UNC13C: variants seen among roughly 807,000 people sequenced by gnomAD.
UNC13C encodes the protein protein unc-13 homolog C.
A neutral mutation model predicts 245.4 loss-of-function variants in UNC13C; 174 were observed. The observed-to-expected ratio is 0.71, with a 90% CI of 0.63 to 0.80. The LOEUF (loss-of-function observed/expected upper bound fraction) is 0.80. Ranked by LOEUF, UNC13C falls within the 30% of genes least tolerant of loss-of-function variation. UNC13C has a pLI of 0.00. For synonymous variants in UNC13C, 992 were observed against 895.1 expected (o/e 1.11, Z -1.93); for missense variants, 2,829 against 2,602.9 (o/e 1.09, Z -1.89).
At chr15:54,439,376 A>G (rs1890391321) in intron 19 of UNC13C, among the ~76,000 whole-genome samples, 4 of 152,002 alleles carry the variant, frequency 2.6e-5, no homozygotes, top group Admixed American at 2.6e-4. Flanking sequence ...TTTACAGTAA[A>G]ATATATAAAA....
intron 30 of UNC13C, among the ~76,000 whole-genome samples, chr15:54,593,420 AT>A (rs1373709210): frequency 2.0e-5 from 3 of 152,116 alleles, no homozygotes; most frequent in Non-Finnish European, 4.4e-5. Context: ...AGCTTTTAGA[AT>A]TGAATTATTC....
At position 54,322,010 on chromosome 15, in the gene UNC13C, A is replaced by G. The variant is rs1352266287; in HGVS notation, c.4340A>G (p.Asn1447Ser). The G allele has an allele frequency of 1.9e-6, 3 of 1,588,922 alleles. No individual in the cohort carries two copies. The highest frequency in any genetic ancestry group is 2.3e-5 in the East Asian group (1 of 43,966). The change falls in exon 14 of 33, where the codon AAT becomes AGT. Residue 1447 changes from asparagine (N) to serine (S), a missense_variant. By Grantham distance (46) the Asn-to-Ser change is conservative (BLOSUM62 1). Transcript: ENST00000260323. The part of the protein sequence containing the change: ...VPAVMSTLLA[N>S]INAFYAHTTV... ...GCCGTCATGAGCACCTTGCTGGCTAATATAAATGCTTTTTATGCTCACACA... is the reference window on the plus strand; with the variant it reads ...GCCGTCATGAGCACCTTGCTGGCTAGTATAAATGCTTTTTATGCTCACACA...
intron 19 of UNC13C, among the ~76,000 whole-genome samples, chr15:54,427,388 C>T (rs1371335625): frequency 6.6e-6 from 1 of 151,772 alleles, no homozygotes; most frequent in East Asian, 1.9e-4. Context: ...CCTTTCTCTT[C>T]CCACCATGAT....
At chr15:54,600,716 C>CT (rs1017047885) in intron 30 of UNC13C, among the ~76,000 whole-genome samples, 106 of 152,126 alleles carry the variant, frequency 7.0e-4, no homozygotes, top group African/African-American at 2.5e-3. Flanking sequence ...AATATTTTAT[C>CT]TTTGAAAACA....
chr15:54,522,003 A>G (rs1246616067), intron 24 of UNC13C, among the ~76,000 whole-genome samples: 1 of 152,208 alleles, frequency 6.6e-6, no homozygotes, highest in East Asian at 1.9e-4. Context: ...AGAACACTGC[A>G]TACACAGTTA....
At chr15:54,295,180 A>G (rs1567166846) in intron 11 of UNC13C, among the ~76,000 whole-genome samples, 1 of 152,182 alleles carries the variant, frequency 6.6e-6, no homozygotes, top group Admixed American at 6.5e-5. Context: ...TAGAATTACT[A>G]ACTGAGGGTA....
chr15:54,186,076 G>T (rs371453342), intron 4 of UNC13C, among the ~76,000 whole-genome samples: 2 of 151,592 alleles, frequency 1.3e-5, no homozygotes, highest in African/African-American at 4.9e-5. Flanking sequence ...CTGTTTGTCT[G>T]TTATTGGTGT....
chr15:53,843,297 A>C, the UNC13C span, among the ~76,000 whole-genome samples: 6 of 152,056 alleles, frequency 3.9e-5, no homozygotes, highest in Non-Finnish European at 7.4e-5. Flanking sequence ...AACTGCAAAA[A>C]TTATCCAGGC....
At chr15:53,945,305 T>C in the UNC13C span, among the ~76,000 whole-genome samples, 3 of 152,248 alleles carry the variant, frequency 2.0e-5, no homozygotes, top group Non-Finnish European at 2.9e-5. Flanking sequence ...AGCTTCATCA[T>C]GGAATCTTTG....
At chr15:54,460,188 T>C (rs1178273689) in intron 19 of UNC13C, among the ~76,000 whole-genome samples, 1 of 152,342 alleles carries the variant, frequency 6.6e-6, no homozygotes, top group East Asian at 1.9e-4. Context: ...CCAGTAGGGC[T>C]ACTGAGCTCT....
intron 4 of UNC13C, among the ~76,000 whole-genome samples, chr15:54,205,530 TC>T (rs2034680527): frequency 6.6e-6 from 1 of 151,998 alleles, no homozygotes; most frequent in Non-Finnish European, 1.5e-5. Flanking sequence ...CAGTAAAGGC[TC>T]TATAAATATT....
chr15:54,119,352 T>C (rs559012164), intron 2 of UNC13C, among the ~76,000 whole-genome samples: 1 of 152,280 alleles, frequency 6.6e-6, no homozygotes, highest in East Asian at 1.9e-4. Context: ...ATGATTATTA[T>C]GTGTATTATA....
chr15:54,602,523 T>C (rs1333860921), intron 30 of UNC13C, among the ~76,000 whole-genome samples: 2 of 152,226 alleles, frequency 1.3e-5, no homozygotes, highest in Admixed American at 6.5e-5. Context: ...TATTCTATTT[T>C]CATTTTAAAA....
At chr15:53,991,758 T>A (rs1894401138) in intron 1 of UNC13C, among the ~76,000 whole-genome samples, 1 of 152,088 alleles carries the variant, frequency 6.6e-6, no homozygotes, top group Non-Finnish European at 1.5e-5. Context: ...TCCACATTGT[T>A]TCTGATAGTT....
rs1359591058 is a variant in UNC13C at position 54,626,926 on chromosome 15, T to C, written c.6458T>C (p.Val2153Ala). The change falls in exon 33 of 33, where the codon GTC becomes GCC. Residue 2153 changes from valine to alanine, a missense_variant. Val to Ala is a moderately conservative substitution (Grantham distance 64). Coordinates refer to ENST00000260323, the MANE Select transcript of UNC13C (RefSeq NM_001080534.3). ...AREDRIIGMTVIQLQNIAEKG... is the reference protein window; with the variant it reads ...AREDRIIGMTAIQLQNIAEKG... ...GAAGATCGAATTATCGGAATGACAG[T>C]CATTCAGCTACAGAACATAGCAGAA... The C allele has an allele frequency of 1.2e-6, 2 of 1,613,436 alleles. No homozygotes were observed. The highest frequency in any genetic ancestry group is 1.1e-5 in the South Asian group (1 of 91,070).
chr15:54,337,722 A>G (rs1241899651), intron 16 of UNC13C, among the ~76,000 whole-genome samples: 1 of 152,182 alleles, frequency 6.6e-6, no homozygotes, highest in Non-Finnish European at 1.5e-5. Flanking sequence ...AAGGCAGCGT[A>G]AGGGAGCCTT....
chr15:54,530,845 C>T (rs1055621328), intron 25 of UNC13C, among the ~76,000 whole-genome samples: 13 of 151,996 alleles, frequency 8.6e-5, no homozygotes, highest in South Asian at 2.1e-4. Flanking sequence ...AGATTGCCAG[C>T]GCCAGATTAT....
At chr15:54,523,546 TA>T (rs1895316727) in intron 24 of UNC13C, among the ~76,000 whole-genome samples, 1 of 152,194 alleles carries the variant, frequency 6.6e-6, no homozygotes, top group African/African-American at 2.4e-5. Context: ...TGATGAGAAA[TA>T]TCTATTCACC....
the UNC13C span, among the ~76,000 whole-genome samples, chr15:53,893,350 G>A: frequency 2.6e-5 from 4 of 152,202 alleles, no homozygotes; most frequent in African/African-American, 9.6e-5. Context: ...CACTTGAGGA[G>A]GCATTCTGAC....
Sources: gnomAD v4.1 joint callset for allele counts (sites outside exome capture counted in the v4.1 genomes callset) on GRCh38, gnomAD v4.1.1 for gene constraint, MANE v1.5 for transcripts, NCBI Gene and HGNC (gene_info 2026-07-23, HGNC 2026-07-21) for gene names.